The following ERICH1 variants were observed in gnomAD, a reference collection of about 807,000 sequenced individuals.
ERICH1 encodes glutamate rich 1.
ERICH1 carries 56 observed loss-of-function variants against 39.6 expected under a neutral mutation model. The observed-to-expected ratio is 1.41, with a 90% confidence interval of 1.14 to 1.77. ERICH1 has a LOEUF of 1.77. ERICH1 is among the 40% of genes most tolerant of loss of function. ERICH1 has a pLI of 0.00. For synonymous variants in ERICH1, 313 were observed against 223.6 expected, an observed-to-expected ratio of 1.40 and a Z score of -3.57; for missense variants, 826 against 575.4, an observed-to-expected ratio of 1.44 and a Z score of -4.45.
chr8:715,748 C>T, intron 2 of ERICH1, 113 bp downstream of exon 2: 1 of 1,411,668 alleles, frequency 7.1e-7, no homozygotes, highest in South Asian at 1.4e-5. Context: ...AGGCCCTCTG[C>T]AGACCTGCAG....
At chr8:641,867 C>G (rs577765718) in intron 3 of ERICH1, among the ~76,000 whole-genome samples, 3 of 152,270 alleles carry the variant, frequency 2.0e-5, no homozygotes, top group Non-Finnish European at 4.4e-5. Context: ...CACGGTGCCT[C>G]TGGCCGTATG....
intron 2 of ERICH1, among the ~76,000 whole-genome samples, chr8:700,878 G>A (rs1359461584): frequency 6.6e-6 from 1 of 152,230 alleles, no homozygotes; most frequent in Non-Finnish European, 1.5e-5. Flanking sequence ...ACTTAACAAT[G>A]CCAGATAAAA....
chr8:678,702 G>A (rs776961113), intron 3 of ERICH1, among the ~76,000 whole-genome samples: 10 of 152,162 alleles, frequency 6.6e-5, no homozygotes, highest in Non-Finnish European at 1.3e-4. Flanking sequence ...CAGCTACTCC[G>A]GAGGCTGAGG....
intron 3 of ERICH1, among the ~76,000 whole-genome samples, chr8:654,632 A>G (rs1179582043): frequency 6.6e-6 from 1 of 152,212 alleles, no homozygotes; most frequent in African/African-American, 2.4e-5. Context: ...CACTGAAGGG[A>G]AAGATGGAAA....
chr8:676,476 CGAGGACAGAGACGCGGCGGCCCCTCGT>C (rs1563236856), intron 3 of ERICH1, among the ~76,000 whole-genome samples: 11 of 28,320 alleles, frequency 3.9e-4, no homozygotes, highest in South Asian at 2.6e-3. Flanking sequence ...GGCCCCTCGG[CGAGGACAGAGACGCGGCGGCCCCTCGT>C]GAGGACAGAG....
At chr8:683,777 G>A (rs938040016) in intron 3 of ERICH1, among the ~76,000 whole-genome samples, 4 of 152,218 alleles carry the variant, frequency 2.6e-5, no homozygotes, top group Non-Finnish European at 4.4e-5. Flanking sequence ...AACCACCAAA[G>A]GAAAGGTTGG....
At chr8:729,119 C>T (rs754203963) in intron 1 of ERICH1, among the ~76,000 whole-genome samples, 2 of 152,192 alleles carry the variant, frequency 1.3e-5, no homozygotes, top group Non-Finnish European at 2.9e-5. Flanking sequence ...GGGAGGGATA[C>T]CGTGCCTGAT....
intron 3 of ERICH1, among the ~76,000 whole-genome samples, chr8:617,735 G>C (rs200423570): frequency 6.6e-6 from 1 of 151,372 alleles, no homozygotes; most frequent in African/African-American, 2.4e-5. Flanking sequence ...CCCTATGAGT[G>C]CTCAGTGCTC....
At chr8:729,078 A>C (rs959749961) in intron 1 of ERICH1, among the ~76,000 whole-genome samples, 1 of 152,164 alleles carries the variant, frequency 6.6e-6, no homozygotes, top group Admixed American at 6.5e-5. Context: ...CACAGCCTCA[A>C]AGCACAGCAG....
In ERICH1 at chr8:708,681, G is replaced by GTTTTTTTTTTGTTTTTTTTTTTTT. The variant is rs1563319316; in HGVS notation, c.169+7179_169+7180insAAAAAAAAAAAAACAAAAAAAAAA. Among the ~76,000 whole-genome samples, 36 of 65,762 alleles carry GTTTTTTTTTTGTTTTTTTTTTTTT rather than the reference G, an allele frequency of 5.5e-4. 3 individuals are homozygous for GTTTTTTTTTTGTTTTTTTTTTTTT. The highest frequency in any genetic ancestry group is 2.2e-3 in the East Asian group (5 of 2,302). 43.1% of individuals were successfully genotyped at this position (65,762 alleles called of 152,430 possible). A position where few individuals can be genotyped will look rare whatever the true frequency, so the allele number is the denominator to read the frequency against. On this transcript the variant is annotated intron_variant, in intron 2 of 5. Coordinates refer to ENST00000262109, the MANE Select transcript of ERICH1 (RefSeq NM_207332.3). ...GGGCTGAGTGGTTACGGGATAATGA[G>GTTTTTTTTTTGTTTTTTTTTTTTT]TTTTTTTTTTTTTTTTTTTTTTTTT...
chr8:719,064 C>T (rs1039468057), intron 1 of ERICH1, among the ~76,000 whole-genome samples: 5 of 152,126 alleles, frequency 3.3e-5, no homozygotes, highest in East Asian at 1.9e-4. Context: ...AGGCAGGTCC[C>T]AGACTCACCT....
intron 3 of ERICH1, among the ~76,000 whole-genome samples, chr8:674,698 T>C (rs1253635155): frequency 6.6e-6 from 1 of 152,242 alleles, no homozygotes; most frequent in Non-Finnish European, 1.5e-5. Context: ...AAAAAATTTA[T>C]TTTACAATTT....
rs182201187 is a variant in ERICH1 at position 644,511 on chromosome 8, G to C, written c.976+24087C>G. Among the ~76,000 whole-genome samples the C allele has an allele frequency of 2.8e-4, 15 of 52,680 alleles. 6 individuals carry two copies. The East Asian group carries it at 5.7e-3, about 20-fold the overall frequency. 34.6% of individuals were successfully genotyped at this position (52,680 alleles called of 152,430 possible). Reference sequence around the variant, plus strand: ...GCTTTCCAGGCCTAATTCTGTTCTGGTACATGGTTTAAATATTTCATTTTC... The same window carrying C: ...GCTTTCCAGGCCTAATTCTGTTCTGCTACATGGTTTAAATATTTCATTTTC... On this transcript the variant is annotated intron_variant, in intron 3 of 3. Transcript: ENST00000522706.
At chr8:660,512 A>G (rs932963087), downstream of ERICH1, among the ~76,000 whole-genome samples, 8 of 152,184 alleles carry the variant, frequency 5.3e-5, no homozygotes, top group Admixed American at 5.2e-4. Context: ...CACGAACAGC[A>G]TTCTGCTGGC....
intron 3 of ERICH1, among the ~76,000 whole-genome samples, chr8:691,398 C>A (rs1808876996): frequency 6.6e-6 from 1 of 152,254 alleles, no homozygotes; most frequent in Admixed American, 6.5e-5. Flanking sequence ...AGCGAGCCTT[C>A]TACCCTGGGG....
intron 4 of ERICH1, among the ~76,000 whole-genome samples, chr8:670,375 C>T (rs1261571423): frequency 6.6e-6 from 1 of 152,124 alleles, no homozygotes; most frequent in African/African-American, 2.4e-5. Context: ...TGTCTCGTGG[C>T]ATGCCCGGTA....
chr8:718,267 C>G (rs1452599660), intron 1 of ERICH1, among the ~76,000 whole-genome samples: 1 of 152,088 alleles, frequency 6.6e-6, no homozygotes, highest in Admixed American at 6.5e-5. Flanking sequence ...CACAACACAC[C>G]AGGGTACGGA....
At chr8:665,852 T>C (rs531926263) in intron 5 of ERICH1, 110 of 152,322 alleles carry the variant, frequency 7.2e-4, no homozygotes, top group African/African-American at 2.5e-3. Context: ...TCAAATGTGA[T>C]CTCTGTGCTC....
chr8:652,205 G>A (rs959053239), intron 3 of ERICH1, among the ~76,000 whole-genome samples: 1 of 144,794 alleles, frequency 6.9e-6, no homozygotes, highest in Non-Finnish European at 1.6e-5. Context: ...TGAATCCGAC[G>A]CCTGAAGACC....
Sources: gnomAD v4.1 joint callset for allele counts (sites outside exome capture counted in the v4.1 genomes callset) on GRCh38, gnomAD v4.1.1 for gene constraint, MANE v1.5 for transcripts, NCBI Gene and HGNC (gene_info 2026-07-23, HGNC 2026-07-21) for gene names.